The following PPP1R13B variants were observed in gnomAD, a reference collection of about 807,000 sequenced individuals.
PPP1R13B encodes protein phosphatase 1 regulatory subunit 13B, also known as apoptosis-stimulating of p53 protein 1.
In PPP1R13B, 44 loss-of-function variants were observed where a neutral mutation model predicts 119.8. That is an observed-to-expected ratio of 0.37 (90% confidence interval 0.29 to 0.47). PPP1R13B has a LOEUF of 0.47. Ranked by LOEUF, PPP1R13B falls within the 20% of genes least tolerant of loss-of-function variation. The pLI is 0.99. For synonymous variants in PPP1R13B, 542 were observed against 561.5 expected, an observed-to-expected ratio of 0.97 and a Z score of 0.49; for missense variants, 1,227 against 1,413.5, an observed-to-expected ratio of 0.87 and a Z score of 2.12.
rs2084165967 is a variant in PPP1R13B, at chr14:103,738,378, C to A, written c.2864+301G>T. 1 of 425,294 alleles carries A rather than the reference C, an allele frequency of 2.4e-6. No homozygotes were observed. Among genetic ancestry groups the A allele is most frequent in the Non-Finnish European group, 4.3e-6 (1 of 230,308 alleles). 26.3% of individuals were successfully genotyped at this position (425,294 alleles called of 1,614,324 possible). Reference sequence around the variant, plus strand: ...ACACGGAGCACAGAGTGTGAAGAGTCCATACGGAACATATGAGAAGGGGAA... The same window carrying A: ...ACACGGAGCACAGAGTGTGAAGAGTACATACGGAACATATGAGAAGGGGAA... On this transcript the variant is annotated intron_variant, in intron 14 of 16. Coordinates refer to ENST00000202556, the MANE Select transcript of PPP1R13B (RefSeq NM_015316.3). The surrounding 1 kb of genome is among the most constrained non-coding windows in gnomAD (Gnocchi z 5.6).
intron 1 of PPP1R13B, among the ~76,000 whole-genome samples, chr14:103,814,667 G>A (rs1366966008): frequency 1.3e-5 from 2 of 151,960 alleles, no homozygotes; most frequent in African/African-American, 2.4e-5. Context: ...AACCGGCGGC[G>A]GGGCGCGGTG....
chr14:103,752,302 C>T (rs2084567494), intron 7 of PPP1R13B, among the ~76,000 whole-genome samples: 1 of 152,094 alleles, frequency 6.6e-6, no homozygotes, highest in Admixed American at 6.6e-5. Flanking sequence ...TCATATGAAA[C>T]GTCCAGAATA....
chr14:103,839,522 G>T (rs982189936), intron 1 of PPP1R13B, among the ~76,000 whole-genome samples: 16 of 151,756 alleles, frequency 1.1e-4, no homozygotes, highest in African/African-American at 3.9e-4. Context: ...AGCTACTCGA[G>T]AGGCTGAGTC....
At chr14:103,783,608 G>A (rs1166454341) in intron 3 of PPP1R13B, among the ~76,000 whole-genome samples, 1 of 151,446 alleles carries the variant, frequency 6.6e-6, no homozygotes, top group African/African-American at 2.4e-5. Flanking sequence ...CTGGAGTGCA[G>A]TGGCACAATC....
intron 1 of PPP1R13B, among the ~76,000 whole-genome samples, chr14:103,836,492 T>C (rs2086781435): frequency 6.6e-6 from 1 of 152,056 alleles, no homozygotes; most frequent in South Asian, 2.1e-4. Context: ...CAAAGTTGGC[T>C]GGACGCTGTG....
At chr14:103,778,855 G>T (rs1047987199) in intron 3 of PPP1R13B, 34 bp from the exon 4 acceptor site, 10 of 1,526,414 alleles carry the variant, frequency 6.6e-6, no homozygotes, top group African/African-American at 5.5e-5. Flanking sequence ...TCACCAAAAG[G>T]CGTATTAGAA....
rs1490257846 is a variant in PPP1R13B at position 103,742,514 on chromosome 14, T to C, written c.1320+140A>G. On this transcript the variant is annotated intron_variant, in intron 10 of 16. Transcript: ENST00000202556. This position sits in a 1 kb window ranked among gnomAD's most constrained non-coding sequence, Gnocchi z 4.9. ...TCAGGCTCTTAGGGCCCAGTAACCC[T>C]CTAGGACTTTGGGTGTTGTCTGGAC... 1.5e-6 allele frequency: 2 copies of C among 1,320,930 alleles called. No individual in the cohort carries two copies. Among genetic ancestry groups the C allele is most frequent in the Non-Finnish European group, 2.1e-6 (2 of 973,044 alleles). The allele number at this position is 1,320,930 out of a possible 1,614,324, so 81.8% of individuals were successfully genotyped here.
At position 103,770,432 on chromosome 14, in the gene PPP1R13B, T is replaced by C. The variant is rs186197694; in HGVS notation, c.354+8313A>G. On this transcript the variant is annotated intron_variant, in intron 4 of 16. Transcript: ENST00000202556. ...TGGGAGGCTGAGGCAGGAGAATTAC[T>C]TGAACCTGGGAGGCAGAGGTTGCAG... 2.2e-3 allele frequency among the ~76,000 whole-genome samples: 342 copies of C among 152,152 alleles called. 1 individual carries two copies. Among genetic ancestry groups the C allele is most frequent in the African/African-American group, 7.6e-3 (315 of 41,508 alleles).
In PPP1R13B at chr14:103,734,427, T is replaced by C. The variant is rs922973236; in HGVS notation, c.*727A>G. 1 of 434,732 alleles carries C rather than the reference T, an allele frequency of 2.3e-6. No individual in the cohort carries two copies. Among genetic ancestry groups the C allele is most frequent in the South Asian group, 1.6e-5 (1 of 61,106 alleles). 26.9% of individuals were successfully genotyped at this position (434,732 alleles called of 1,614,324 possible). ...GGGGTGAGAACCACACTGAGCAGCA[T>C]GACAGGCTGTGAGATCGGAGGAGAA... On this transcript the variant is annotated 3_prime_UTR_variant, in exon 17 of 17. Transcript: ENST00000202556.
Position 103,740,388 on chromosome 14 carries a change from C to T in PPP1R13B, c.2028G>A (p.Thr676=), listed in dbSNP as rs1388332972. Residue 676 remains threonine, a synonymous_variant, in exon 12 of 17, where the codon ACG becomes ACA. Coordinates refer to ENST00000202556, the MANE Select transcript of PPP1R13B (RefSeq NM_015316.3). This position sits in a 1 kb window ranked among gnomAD's most constrained non-coding sequence, Gnocchi z 4.6. The part of the protein sequence containing the change: ...LPRPLSPTKL[T]PIVHSPLRYQ... ...AGCGCAGTGGCGAATGCACGATGGG[C>T]GTGAGCTTGGTGGGGCTGAGTGGCC... The T allele has an allele frequency of 3.5e-5, 55 of 1,573,510 alleles. No individual in the cohort carries two copies. The highest frequency in any genetic ancestry group is 1.8e-4 in the Admixed American group (10 of 56,032).
chr14:103,797,673 C>A (rs2085792263), intron 1 of PPP1R13B, among the ~76,000 whole-genome samples, 155 bp from the exon 2 acceptor site: 1 of 135,492 alleles, frequency 7.4e-6, no homozygotes, highest in South Asian at 2.2e-4. Context: ...TTCTAAAGTT[C>A]ATGTAGAAAG....
At chr14:103,799,021 A>G (rs894083885) in intron 1 of PPP1R13B, among the ~76,000 whole-genome samples, 3 of 149,422 alleles carry the variant, frequency 2.0e-5, no homozygotes, top group Admixed American at 1.3e-4. Context: ...TTTTCTTGAG[A>G]CAGAGTCCCA....
intron 2 of PPP1R13B, chr14:103,794,801 AT>A: frequency 3.5e-6 from 1 of 284,632 alleles, no homozygotes; most frequent in Non-Finnish European, 7.0e-6. Context: ...TTCGTTGGCC[AT>A]TTTACTTACT....
At chr14:103,792,769 T>C (rs1209361085) in intron 2 of PPP1R13B, among the ~76,000 whole-genome samples, 1 of 151,360 alleles carries the variant, frequency 6.6e-6, no homozygotes, top group Admixed American at 6.6e-5. Context: ...CAAGACTCTG[T>C]CTCAAAAAAA....
intron 5 of PPP1R13B, 66 bp from the exon 6 acceptor site, chr14:103,754,310 A>G: frequency 6.7e-7 from 1 of 1,489,140 alleles, no homozygotes; most frequent in Non-Finnish European, 9.1e-7. Context: ...CACATCTGTA[A>G]TTCCAGCACT....
intron 4 of PPP1R13B, chr14:103,763,238 T>C (rs1158203357): frequency 3.8e-6 from 2 of 526,558 alleles, no homozygotes; most frequent in Admixed American, 3.4e-5. Context: ...TGGAACTCAG[T>C]GGGCCTGTTG....
rs533576901 is a variant in PPP1R13B at position 103,790,417 on chromosome 14, G to A, written c.158-5503C>T. On this transcript the variant is annotated intron_variant, in intron 2 of 16. Transcript: ENST00000202556. Reference sequence around the variant, plus strand: ...TGAATCCCCAATGTGGTAATATTAGGAGGTGGGGTCTTTGAGAAGCGATTA... The same window carrying A: ...TGAATCCCCAATGTGGTAATATTAGAAGGTGGGGTCTTTGAGAAGCGATTA... 1.7e-4 allele frequency among the ~76,000 whole-genome samples: 26 copies of A among 152,196 alleles called. No individual in the cohort carries two copies. The South Asian group carries it at 4.8e-3, about 28-fold the overall frequency.
At chr14:103,745,568 A>G (rs1212209524) in intron 9 of PPP1R13B, among the ~76,000 whole-genome samples, 1 of 152,088 alleles carries the variant, frequency 6.6e-6, no homozygotes, top group African/African-American at 2.4e-5. Flanking sequence ...TGGCAGGGGC[A>G]CCACCCATGG....
intron 1 of PPP1R13B, among the ~76,000 whole-genome samples, chr14:103,811,094 C>CAAAAA (rs36017203): frequency 9.1e-5 from 6 of 65,868 alleles, no homozygotes; most frequent in Admixed American, 2.1e-4. Flanking sequence ...GACTCCTCCT[C>CAAAAA]AAAAAAAAAA....
Sources: gnomAD v4.1 joint callset for allele counts (sites outside exome capture counted in the v4.1 genomes callset) on GRCh38, gnomAD v4.1.1 for gene constraint, Gnocchi (gnomAD v3.1) non-coding constraint, MANE v1.5 for transcripts, NCBI Gene and HGNC (gene_info 2026-07-23, HGNC 2026-07-21) for gene names.